The following REDIC1 variants were observed in gnomAD, a reference collection of about 807,000 sequenced individuals.
REDIC1 encodes regulator of DNA class I crossover intermediates 1, also known as HEI10 Interacting Protein 1.
At chr12:39,738,735 T>TC in the REDIC1 span, among the ~76,000 whole-genome samples, 1 of 152,196 alleles carries the variant, frequency 6.6e-6, no homozygotes, top group Non-Finnish European at 1.5e-5. Flanking sequence ...TTAGATGAGA[T>TC]CAGATTCAAT....
the REDIC1 span, among the ~76,000 whole-genome samples, chr12:39,822,815 T>G: frequency 6.6e-6 from 1 of 152,214 alleles, no homozygotes; most frequent in Non-Finnish European, 1.5e-5. Context: ...GAAAGGTAGT[T>G]AAATATATTA....
the REDIC1 span, among the ~76,000 whole-genome samples, chr12:39,877,219 G>C: frequency 6.6e-6 from 1 of 152,132 alleles, no homozygotes; most frequent in Non-Finnish European, 1.5e-5. Flanking sequence ...AAAAGAGGTT[G>C]AATGGACTCA....
the REDIC1 span, among the ~76,000 whole-genome samples, chr12:39,899,126 T>G: frequency 2.0e-5 from 3 of 152,270 alleles, no homozygotes; most frequent in South Asian, 2.1e-4. Context: ...TCTTTTTGGT[T>G]GGTAAGCTAT....
chr12:39,729,184 T>C, the REDIC1 span, among the ~76,000 whole-genome samples: 11 of 152,164 alleles, frequency 7.2e-5, no homozygotes, highest in African/African-American at 2.7e-4. Flanking sequence ...TCTTAGTTAT[T>C]TCTTGTCTTC....
chr12:39,678,012 C>A, the REDIC1 span, among the ~76,000 whole-genome samples: 6 of 152,084 alleles, frequency 3.9e-5, no homozygotes, highest in African/African-American at 1.4e-4. Flanking sequence ...AATAGACAAT[C>A]TAAGGTCACA....
chr12:39,810,968 C>G, the REDIC1 span, among the ~76,000 whole-genome samples: 1 of 152,114 alleles, frequency 6.6e-6, no homozygotes, highest in African/African-American at 2.4e-5. Flanking sequence ...TTCCCCCACT[C>G]TGCCCTTTTC....
chr12:39,857,004 G>A, the REDIC1 span, among the ~76,000 whole-genome samples: 11 of 152,104 alleles, frequency 7.2e-5, no homozygotes, highest in Admixed American at 5.9e-4. Flanking sequence ...ATTTGTTTAT[G>A]CAGATGCTAT....
chr12:39,726,342 G>A, the REDIC1 span, among the ~76,000 whole-genome samples: 1 of 151,978 alleles, frequency 6.6e-6, no homozygotes, highest in Admixed American at 6.6e-5. Flanking sequence ...GCTCCAGTGT[G>A]TGATGTTCCC....
the REDIC1 span, among the ~76,000 whole-genome samples, chr12:39,649,141 G>T: frequency 6.6e-6 from 1 of 151,786 alleles, no homozygotes; most frequent in Non-Finnish European, 1.5e-5. Context: ...TAGACTGCAG[G>T]TTAATGATGA....
the REDIC1 span, among the ~76,000 whole-genome samples, chr12:39,796,587 T>G: frequency 2.0e-5 from 3 of 152,178 alleles, no homozygotes; most frequent in African/African-American, 7.2e-5. Flanking sequence ...GATAGTGAGC[T>G]GGCAGAAGCT....
chr12:39,868,847 C>G, the REDIC1 span, among the ~76,000 whole-genome samples: 2 of 152,158 alleles, frequency 1.3e-5, no homozygotes, highest in South Asian at 2.1e-4. Context: ...TATTCATGGA[C>G]TACATATTTT....
chr12:39,809,357 T>C, the REDIC1 span, among the ~76,000 whole-genome samples: 1 of 152,238 alleles, frequency 6.6e-6, no homozygotes, highest in South Asian at 2.1e-4. Flanking sequence ...TCTTTCTTTT[T>C]CAGGAATGTT....
At chr12:39,864,455 C>A in the REDIC1 span, among the ~76,000 whole-genome samples, 5 of 152,164 alleles carry the variant, frequency 3.3e-5, no homozygotes, top group African/African-American at 9.7e-5. Context: ...TGTATATGAT[C>A]TAAAATAGCT....
At chr12:39,724,956 T>C in the REDIC1 span, among the ~76,000 whole-genome samples, 1 of 152,020 alleles carries the variant, frequency 6.6e-6, no homozygotes, top group Non-Finnish European at 1.5e-5. Flanking sequence ...TTTGAAGAGA[T>C]AATAGCTGAG....
the REDIC1 span, among the ~76,000 whole-genome samples, chr12:39,735,658 A>G: frequency 2.0e-5 from 3 of 152,242 alleles, no homozygotes; most frequent in Non-Finnish European, 4.4e-5. Context: ...TGTCAGGAAA[A>G]TAAGTAATAA....
chr12:39,653,557 C>CTTCTTCTTTTTCTT, the REDIC1 span, among the ~76,000 whole-genome samples: 1 of 56,226 alleles, frequency 1.8e-5, no homozygotes, highest in African/African-American at 5.5e-5. Context: ...TCTTCTTCTT[C>CTTCTTCTTTTTCTT]TTTCTTCTTC....
the REDIC1 span, among the ~76,000 whole-genome samples, chr12:39,664,650 C>T: frequency 6.6e-6 from 1 of 152,220 alleles, no homozygotes; most frequent in Non-Finnish European, 1.5e-5. Flanking sequence ...GGAATCACCA[C>T]ACCATCTTCC....
At chr12:39,820,093 C>T in the REDIC1 span, among the ~76,000 whole-genome samples, 3 of 151,788 alleles carry the variant, frequency 2.0e-5, no homozygotes, top group African/African-American at 7.3e-5. Flanking sequence ...CCAATCTTTC[C>T]CCTATAACTC....
the REDIC1 span, among the ~76,000 whole-genome samples, chr12:39,703,689 G>A: frequency 2.6e-5 from 4 of 152,044 alleles, no homozygotes; most frequent in African/African-American, 4.8e-5. Flanking sequence ...ATACTACAAG[G>A]CTACAGTCAC....
Sources: gnomAD v4.1 joint callset for allele counts (sites outside exome capture counted in the v4.1 genomes callset) on GRCh38, gnomAD v4.1.1 for gene constraint, MANE v1.5 for transcripts, NCBI Gene and HGNC (gene_info 2026-07-23, HGNC 2026-07-21) for gene names.